HDAC8: variants seen among roughly 807,000 people sequenced by gnomAD.
The protein encoded by HDAC8 is histone deacetylase 8, also known as histone deacetylase-like 1.
HDAC8 carries 1 observed loss-of-function variant against 32.2 expected under a neutral mutation model. That is an observed-to-expected ratio of 0.03 (90% confidence interval 0.01 to 0.15). HDAC8 has a LOEUF of 0.15. HDAC8 is among the 10% of genes least tolerant of loss of function. The pLI is 1.00. For synonymous variants in HDAC8, 108 were observed against 113.9 expected, an observed-to-expected ratio of 0.95 and a Z score of 0.33; for missense variants, 117 against 300.0, an observed-to-expected ratio of 0.39 and a Z score of 4.51.
intron 7 of HDAC8, among the ~76,000 whole-genome samples, chrX:72,468,269 C>T (rs898585329): frequency 5.4e-5 from 6 of 111,292 alleles, no homozygotes; most frequent in Non-Finnish European, 7.5e-5. Flanking sequence ...GTAGGGTCAA[C>T]GTGACGAAGT....
chrX:72,375,602 G>A (rs782479031), intron 9 of HDAC8, among the ~76,000 whole-genome samples: 2 of 110,264 alleles, frequency 1.8e-5, no homozygotes, highest in Admixed American at 1.9e-4. Context: ...GGGAAGGGAG[G>A]GAAGAGAAGG....
chrX:72,339,028 T>C (rs2043814953), intron 10 of HDAC8, among the ~76,000 whole-genome samples: 1 of 111,685 alleles, frequency 9.0e-6, no homozygotes, highest in Non-Finnish European at 1.9e-5. Flanking sequence ...AATATGACTA[T>C]TAAAATTAAA....
rs149807148 is a variant in HDAC8, at chrX:72,572,398, G to A, written c.111+253C>T. On this transcript the variant is annotated intron_variant, in intron 1 of 10. Transcript: ENST00000373573. The stretch of plus-strand genomic sequence containing the variant: ...GCGGTCCCCTATGAGTGGAAACTGC[G>A]TCCTCTCCCCTCCTCCGTACCCCCT... 7.2e-3 allele frequency: 2,955 copies of A among 410,953 alleles called. 10 individuals are homozygous for A. The highest frequency in any genetic ancestry group is 9.9e-3 in the Non-Finnish European group (2,384 of 241,308). 33.9% of individuals were successfully genotyped at this position (410,953 alleles called of 1,213,427 possible).
intron 6 of HDAC8, among the ~76,000 whole-genome samples, chrX:72,490,461 G>A (rs1477056993): frequency 1.9e-5 from 2 of 107,691 alleles, no homozygotes; most frequent in Admixed American, 9.9e-5. Flanking sequence ...TAGGGACATG[G>A]ATGAAATTGG....
At chrX:72,342,161 G>T (rs1293994414) in intron 10 of HDAC8, among the ~76,000 whole-genome samples, 2 of 112,743 alleles carry the variant, frequency 1.8e-5, no homozygotes, top group Non-Finnish European at 3.7e-5. Flanking sequence ...GCTTGGAGCT[G>T]CAAAGAGGCA....
Position 72,454,638 on chromosome X carries a change from G to T in HDAC8, c.1005+7366C>A, listed in dbSNP as rs149330591. ...TTTAGACCATTCATTCATAGTTAAG[G>T]GAAAAGGAATTGAATATATTAAGTG... On this transcript the variant is annotated intron_variant, in intron 9 of 10. Transcript: ENST00000373573. Among the ~76,000 whole-genome samples the T allele has an allele frequency of 6.5e-3, 726 of 112,092 alleles. 6 individuals carry two copies. The highest frequency in any genetic ancestry group is 0.022 in the African/African-American group (695 of 30,906).
At chrX:72,386,394 G>A (rs1314694299) in intron 9 of HDAC8, among the ~76,000 whole-genome samples, 1 of 111,229 alleles carries the variant, frequency 9.0e-6, no homozygotes, top group Non-Finnish European at 1.9e-5. Flanking sequence ...GGGGCATTGG[G>A]AGAGGAATAG....
chrX:72,335,515 T>C (rs1555942192), intron 10 of HDAC8, among the ~76,000 whole-genome samples: 1 of 112,366 alleles, frequency 8.9e-6, no homozygotes, highest in Non-Finnish European at 1.9e-5. Flanking sequence ...TGCTGAATAA[T>C]AGTCCATTGT....
At chrX:72,553,675 A>G (rs1158251690) in intron 4 of HDAC8, among the ~76,000 whole-genome samples, 4 of 111,743 alleles carry the variant, frequency 3.6e-5, no homozygotes, top group African/African-American at 1.3e-4. Context: ...AAATCCATGC[A>G]CACTCAAATC....
intron 4 of HDAC8, among the ~76,000 whole-genome samples, chrX:72,541,168 T>TC (rs371193165): frequency 1.8e-5 from 2 of 109,137 alleles, no homozygotes; most frequent in African/African-American, 3.4e-5. Context: ...TTTTTTTTTT[T>TC]CTCGTGCGCA....
In HDAC8 at chrX:72,538,106, A is replaced by G. The variant is rs568186127; in HGVS notation, c.437+29783T>C. Among the ~76,000 whole-genome samples, 3 of 111,323 alleles carry G rather than the reference A, an allele frequency of 2.7e-5. No homozygotes were observed. The East Asian group carries it at 8.5e-4, about 32-fold the overall frequency. On this transcript the variant is annotated intron_variant, in intron 4 of 10. Transcript: ENST00000373573. ...TATTAAAGACAAGTTGGGGTAGAAAATCATATTGAGGTAAAGCTGTGGAAT... is the reference window on the plus strand; with the variant it reads ...TATTAAAGACAAGTTGGGGTAGAAAGTCATATTGAGGTAAAGCTGTGGAAT...
chrX:72,334,047 A>G (rs1403450349), intron 10 of HDAC8, among the ~76,000 whole-genome samples: 1 of 112,408 alleles, frequency 8.9e-6, no homozygotes, highest in African/African-American at 3.2e-5. Context: ...CAACAGAAAT[A>G]ATTTTCACCA....
intron 9 of HDAC8, among the ~76,000 whole-genome samples, chrX:72,356,522 G>C (rs1348969467): frequency 9.0e-6 from 1 of 111,389 alleles, no homozygotes; most frequent in Non-Finnish European, 1.9e-5. Context: ...TGTGCACCTA[G>C]TAGGTGGTAG....
chrX:72,374,585 T>C (rs1265968403), intron 9 of HDAC8, among the ~76,000 whole-genome samples: 6 of 109,914 alleles, frequency 5.5e-5, no homozygotes, highest in African/African-American at 2.0e-4. Context: ...GGCAGGAGAA[T>C]CGCTTGAGCC....
intron 4 of HDAC8, among the ~76,000 whole-genome samples, chrX:72,543,639 C>G (rs781878081): frequency 3.6e-5 from 4 of 112,293 alleles, no homozygotes; most frequent in East Asian, 5.6e-4. Context: ...TTAGGTCAGA[C>G]AGGAGACAAC....
chrX:72,474,949 A>G (rs143551260), intron 7 of HDAC8, among the ~76,000 whole-genome samples: 226 of 111,530 alleles, frequency 2.0e-3, no homozygotes, highest in African/African-American at 6.8e-3. Context: ...GATAATCAAT[A>G]TCCTAAAAGA....
At chrX:72,533,801 C>G (rs938217803) in intron 4 of HDAC8, among the ~76,000 whole-genome samples, 1 of 111,563 alleles carries the variant, frequency 9.0e-6, no homozygotes, top group Non-Finnish European at 1.9e-5. Flanking sequence ...AACCATTTGA[C>G]AAGATCCAAC....
intron 9 of HDAC8, among the ~76,000 whole-genome samples, chrX:72,450,448 C>T (rs1284710957): frequency 8.9e-6 from 1 of 111,869 alleles, no homozygotes; most frequent in African/African-American, 3.2e-5. Flanking sequence ...TCTGCTGTAC[C>T]AATGTCAATT....
chrX:72,552,778 GAA>G (rs34669637), intron 4 of HDAC8, among the ~76,000 whole-genome samples: 14 of 87,316 alleles, frequency 1.6e-4, no homozygotes, highest in African/African-American at 4.3e-4. Context: ...TCTTGTCTTA[GAA>G]AAAAAAAAAA....
Sources: allele counts gnomAD v4.1 joint callset (sites outside exome capture counted in the v4.1 genomes callset), GRCh38; gene constraint gnomAD v4.1.1; transcripts MANE v1.5; gene names NCBI Gene and HGNC (gene_info 2026-07-23, HGNC 2026-07-21).